The following EML1 variants were observed in gnomAD, a reference collection of about 807,000 sequenced individuals.
EML1 encodes echinoderm microtubule-associated protein-like 1.
In EML1, 27 loss-of-function variants were observed where a neutral mutation model predicts 110.4. That is an observed-to-expected ratio of 0.24 (90% confidence interval 0.18 to 0.34). The LOEUF (loss-of-function observed/expected upper bound fraction) is 0.34, where lower values mean the gene tolerates loss of function less well. EML1 is among the 10% of genes least tolerant of loss of function. EML1 has a pLI of 1.00. For synonymous variants in EML1, 344 were observed against 385.8 expected, an observed-to-expected ratio of 0.89 and a Z score of 1.27; for missense variants, 741 against 1,030.9, an observed-to-expected ratio of 0.72 and a Z score of 3.85.
Position 99,940,107 on chromosome 14 carries a change from A to T in EML1, c.2443A>T (p.Ile815Phe). ...KDTSIMQWRV[I>F] The stretch of plus-strand genomic sequence containing the variant: ...CACAAGCATCATGCAGTGGCGCGTC[A>T]TTTAGTACCCACCGAGAGCTGTGGG... The change falls in exon 22 of 22, where the codon ATT (isoleucine) becomes TTT (phenylalanine). Residue 815 changes from isoleucine to phenylalanine, a missense_variant. Coordinates refer to ENST00000262233, the MANE Select transcript of EML1 (RefSeq NM_004434.3). The T allele has an allele frequency of 6.3e-7, 1 of 1,581,400 alleles. No homozygotes were observed. Among genetic ancestry groups the T allele is most frequent in the Admixed American group, 1.9e-5 (1 of 53,972 alleles).
chr14:99,875,531 G>A (rs533556078), intron 3 of EML1, among the ~76,000 whole-genome samples: 1 of 152,128 alleles, frequency 6.6e-6, no homozygotes, highest in Admixed American at 6.5e-5. Context: ...AACAGTTGTG[G>A]TTTTTCAGCT....
intron 1 of EML1, among the ~76,000 whole-genome samples, chr14:99,820,908 T>C (rs906945375): frequency 2.2e-4 from 34 of 152,130 alleles, no homozygotes; most frequent in Non-Finnish European, 4.9e-4. Flanking sequence ...CTACACACTT[T>C]CTAACAGTGG....
At position 99,939,988 on chromosome 14, in the gene EML1, C is replaced by A; in HGVS notation, c.2324C>A (p.Ala775Asp). Residue 775 changes from alanine to aspartate, a missense_variant and splice_region_variant, in exon 22 of 22, where the codon GCT becomes GAT. Physicochemically the swap from Ala to Asp is moderately radical, Grantham distance 126. Coordinates refer to ENST00000262233, the MANE Select transcript of EML1 (RefSeq NM_004434.3). The surrounding 1 kb of genome is among the most constrained non-coding windows in gnomAD (Gnocchi z 4.2). ...LFSYPCSQFR[A>D]PSHIYGGHSS... Reference sequence around the variant, plus strand: ...TTTCCCCCGTATCATTCCCTCCAGGCTCCAAGCCACATCTACGGCGGGCAC... The same window carrying A: ...TTTCCCCCGTATCATTCCCTCCAGGATCCAAGCCACATCTACGGCGGGCAC... 6.3e-7 allele frequency: 1 copy of A among 1,582,618 alleles called. No homozygotes were observed.
At chr14:99,777,662 C>T (rs1202993255) in intron 1 of EML1, among the ~76,000 whole-genome samples, 12 of 152,260 alleles carry the variant, frequency 7.9e-5, no homozygotes, top group Admixed American at 5.9e-4. Context: ...TCAAGCAATC[C>T]GCCCGCCTCA....
chr14:99,772,602 G>A (rs1213560740), upstream of EML1, among the ~76,000 whole-genome samples: 2 of 152,178 alleles, frequency 1.3e-5, no homozygotes, highest in Admixed American at 1.3e-4. Flanking sequence ...AGCCCTCCAG[G>A]CATTGTTTTT....
intron 3 of EML1, among the ~76,000 whole-genome samples, chr14:99,872,025 G>A (rs1446528189): frequency 1.3e-5 from 2 of 152,188 alleles, no homozygotes; most frequent in African/African-American, 4.8e-5. Flanking sequence ...TTGATATAAT[G>A]ACTGCTTGCA....
At position 99,927,604 on chromosome 14, in the gene EML1, T is replaced by G. The variant is rs80208064; in HGVS notation, c.1909+6727T>G. On this transcript the variant is annotated intron_variant, in intron 17 of 21. Transcript: ENST00000262233. ...TCATTTATTAGATATAGTACTTCTA[T>G]GAAGAAAAACTTTCCTTCATCTACA... 1.3e-3 allele frequency among the ~76,000 whole-genome samples: 203 copies of G among 152,198 alleles called. 1 individual carries two copies. Among genetic ancestry groups the G allele is most frequent in the African/African-American group, 4.8e-3 (200 of 41,506 alleles).
intron 1 of EML1, among the ~76,000 whole-genome samples, chr14:99,763,432 C>T (rs1050935407): frequency 2.6e-5 from 4 of 152,164 alleles, no homozygotes; most frequent in African/African-American, 9.7e-5. Context: ...CTCTTCATAG[C>T]AGCACACTCA....
At chr14:99,916,590 C>T (rs1432332787) in intron 15 of EML1, among the ~76,000 whole-genome samples, 1 of 152,194 alleles carries the variant, frequency 6.6e-6, no homozygotes. Flanking sequence ...ATTGAAAGGA[C>T]AAGACCATTC....
At chr14:99,929,796 G>A (rs1373382467) in intron 17 of EML1, among the ~76,000 whole-genome samples, 2 of 152,224 alleles carry the variant, frequency 1.3e-5, no homozygotes, top group Non-Finnish European at 2.9e-5. Flanking sequence ...TCCCGGCCGA[G>A]ATCTGTAGCC....
At chr14:99,912,382 G>T (rs906863800) in intron 13 of EML1, among the ~76,000 whole-genome samples, 2 of 152,128 alleles carry the variant, frequency 1.3e-5, no homozygotes. Context: ...CCAGAGGCAA[G>T]ATATTTAATA....
intron 1 of EML1, among the ~76,000 whole-genome samples, chr14:99,831,700 T>C (rs1048934541): frequency 2.6e-5 from 4 of 152,208 alleles, no homozygotes; most frequent in Admixed American, 6.5e-5. Flanking sequence ...ATCTTTTTTT[T>C]CTTTGTCCAA....
chr14:99,895,788 G>A (rs1307831181), intron 6 of EML1, among the ~76,000 whole-genome samples: 1 of 150,258 alleles, frequency 6.7e-6, no homozygotes, highest in Non-Finnish European at 1.5e-5. Context: ...ACTAGCTACA[G>A]GGATGCATCC....
At chr14:99,805,664 T>C (rs78546897) in intron 1 of EML1, among the ~76,000 whole-genome samples, 2,133 of 152,076 alleles carry the variant, frequency 0.014, 26 homozygotes, top group Non-Finnish European at 0.024. Context: ...TTTGTGGAAA[T>C]GGGGTCTCGA....
chr14:99,767,203 C>CT (rs1181779122), intron 1 of EML1, among the ~76,000 whole-genome samples: 12 of 152,222 alleles, frequency 7.9e-5, no homozygotes, highest in Admixed American at 5.2e-4. Flanking sequence ...CCAGAGCTTA[C>CT]TATAGCCGAG....
chr14:99,891,426 A>ATTAT (rs777049749), intron 5 of EML1, among the ~76,000 whole-genome samples, 199 bp downstream of exon 5: 6 of 152,222 alleles, frequency 3.9e-5, no homozygotes, highest in Non-Finnish European at 7.3e-5. Context: ...ACAGTCATAA[A>ATTAT]GAGCAAACCC....
intron 5 of EML1, chr14:99,892,248 G>A (rs1227192023): frequency 1.0e-6 from 1 of 977,092 alleles, no homozygotes; most frequent in East Asian, 1.1e-4. Context: ...TGTTACCCAG[G>A]CTACAGAAAC....
At chr14:99,875,450 C>T (rs1217328390) in intron 3 of EML1, among the ~76,000 whole-genome samples, 5 of 152,176 alleles carry the variant, frequency 3.3e-5, no homozygotes, top group African/African-American at 9.7e-5. Context: ...CTGGCACCCC[C>T]GTGAACTCTT....
chr14:99,757,759 A>G (rs1282137408), intron 1 of EML1, among the ~76,000 whole-genome samples: 4 of 152,254 alleles, frequency 2.6e-5, no homozygotes, highest in African/African-American at 9.6e-5. Flanking sequence ...AAATTAAATC[A>G]GCAATTATTT....
Sources: gnomAD v4.1 joint callset for allele counts (sites outside exome capture counted in the v4.1 genomes callset) on GRCh38, gnomAD v4.1.1 for gene constraint, Gnocchi (gnomAD v3.1) non-coding constraint, MANE v1.5 for transcripts, NCBI Gene and HGNC (gene_info 2026-07-23, HGNC 2026-07-21) for gene names.